Variants in CBLB observed in about 807,000 individuals in gnomAD.
The protein encoded by CBLB is E3 ubiquitin-protein ligase CBL-B.
CBLB carries 31 observed loss-of-function variants against 104.9 expected under a neutral mutation model. That is an observed-to-expected ratio of 0.30 (90% confidence interval 0.22 to 0.40). The LOEUF is 0.40. Among genes scored for constraint, CBLB ranks in the 10% least tolerant of loss-of-function variants. The probability of loss-of-function intolerance (pLI) is 1.00; values close to 1 mark genes in which losing one functional copy is unlikely to be tolerated. For missense variants in CBLB, 1,062 were observed against 1,214.6 expected, an observed-to-expected ratio of 0.87 and a Z score of 1.87; for synonymous variants, 440 against 422.6, an observed-to-expected ratio of 1.04 and a Z score of -0.51.
At chr3:105,824,057 G>T (rs1298488792) in intron 3 of CBLB, 1 of 152,122 alleles carries the variant, frequency 6.6e-6, no homozygotes, top group African/African-American at 2.4e-5. Context: ...AAACTCCTCT[G>T]CTTTCCTAAC....
At chr3:105,844,594 TCAAA>T (rs947017505) in intron 3 of CBLB, among the ~76,000 whole-genome samples, 4 of 152,190 alleles carry the variant, frequency 2.6e-5, no homozygotes, top group Admixed American at 6.5e-5. Flanking sequence ...ACATATATCC[TCAAA>T]CAAAAACTCA....
At chr3:105,803,036 G>A (rs892119655) in intron 3 of CBLB, among the ~76,000 whole-genome samples, 6 of 152,116 alleles carry the variant, frequency 3.9e-5, no homozygotes, top group African/African-American at 1.4e-4. Context: ...AGAGAAATCG[G>A]AGAAGTCTTT....
chr3:105,753,127 C>T (rs72995636), intron 4 of CBLB, among the ~76,000 whole-genome samples: 2,657 of 152,166 alleles, frequency 0.017, 69 homozygotes, highest in African/African-American at 0.06. Flanking sequence ...GAGAAGCAGT[C>T]TGTGGGAAGT....
chr3:105,847,295 G>T (rs1459028867), intron 3 of CBLB, among the ~76,000 whole-genome samples: 1 of 151,726 alleles, frequency 6.6e-6, no homozygotes, highest in African/African-American at 2.4e-5. Context: ...ATTTCTGCCG[G>T]ATGCTCCTGA....
intron 14 of CBLB, among the ~76,000 whole-genome samples, chr3:105,684,403 C>G (rs1175393692): frequency 6.6e-6 from 1 of 152,240 alleles, no homozygotes; most frequent in East Asian, 1.9e-4. Context: ...CATGCCTTTA[C>G]TTAAAGATAA....
At chr3:105,856,941 T>C (rs2091681060) in intron 2 of CBLB, among the ~76,000 whole-genome samples, 1 of 152,210 alleles carries the variant, frequency 6.6e-6, no homozygotes, top group African/African-American at 2.4e-5. Flanking sequence ...TTTTAAATTA[T>C]TTAAACCAAA....
intron 4 of CBLB, among the ~76,000 whole-genome samples, chr3:105,757,269 T>C (rs926432950): frequency 3.9e-5 from 6 of 152,164 alleles, no homozygotes; most frequent in Admixed American, 2.0e-4. Context: ...GGTACAGCTA[T>C]ACAATGAAGG....
intron 6 of CBLB, among the ~76,000 whole-genome samples, chr3:105,744,642 A>AG (rs768875854): frequency 1.4e-4 from 21 of 152,192 alleles, no homozygotes; most frequent in Non-Finnish European, 2.6e-4. Context: ...TAAAAAAAAA[A>AG]CTGTTTTGGC....
At chr3:105,788,577 A>G (rs1401574070) in intron 3 of CBLB, among the ~76,000 whole-genome samples, 1 of 152,236 alleles carries the variant, frequency 6.6e-6, no homozygotes, top group East Asian at 1.9e-4. Context: ...CTTAGTAACT[A>G]GATGACCTCG....
chr3:105,757,597 G>A (rs986031459), intron 4 of CBLB, among the ~76,000 whole-genome samples: 1 of 152,026 alleles, frequency 6.6e-6, no homozygotes, highest in Admixed American at 6.6e-5. Context: ...TATGATTTGT[G>A]TACTTTTCCC....
At chr3:105,838,123 C>T (rs2088874659) in intron 3 of CBLB, among the ~76,000 whole-genome samples, 1 of 148,850 alleles carries the variant, frequency 6.7e-6, no homozygotes, top group Admixed American at 6.7e-5. Context: ...CACTCTGTCA[C>T]CCAGGCTGGA....
intron 16 of CBLB, among the ~76,000 whole-genome samples, chr3:105,678,968 T>C (rs1452650455): frequency 6.6e-6 from 1 of 151,996 alleles, no homozygotes; most frequent in East Asian, 1.9e-4. Flanking sequence ...GCAAAAAGAG[T>C]TCACAGCCTT....
At chr3:105,675,140 T>C (rs1248463785) in intron 17 of CBLB, among the ~76,000 whole-genome samples, 1 of 152,170 alleles carries the variant, frequency 6.6e-6, no homozygotes, top group East Asian at 1.9e-4. Context: ...ACACCTATCA[T>C]TTGTCTTTAA....
intron 2 of CBLB, among the ~76,000 whole-genome samples, chr3:105,864,375 C>G (rs1490205041): frequency 6.6e-6 from 1 of 152,164 alleles, no homozygotes; most frequent in African/African-American, 2.4e-5. Context: ...GTTTAAGAAA[C>G]CTTGTCTCTT....
Position 105,681,481 on chromosome 3 carries a change from A to G in CBLB, c.2426T>C (p.Leu809Ser), listed in dbSNP as rs764482114. ...AAAACTTTTTTAAAGGTTTCAACCT[A>G]ATGGAGGGATGAGAAGATCATAATC... ...PSDYDLLIPPLGEDAFDALPP... is the reference protein window; with the variant it reads ...PSDYDLLIPPSGEDAFDALPP... The change falls in exon 16 of 19, where the codon TTA becomes TCA. Residue 809 changes from leucine to serine, a missense_variant and splice_region_variant. Around this residue, in one of 2 missense-constraint regions of CBLB, gnomAD observed 605 missense variants for 582.6 expected, o/e 1.04. Coordinates refer to ENST00000394030, the MANE Select transcript of CBLB (RefSeq NM_170662.5). 1.2e-6 allele frequency: 2 copies of G among 1,614,060 alleles called. No homozygotes were observed. The highest frequency in any genetic ancestry group is 1.7e-6 in the Non-Finnish European group (2 of 1,179,920).
At chr3:105,824,316 C>CT (rs945023383) in intron 3 of CBLB, 22 of 152,150 alleles carry the variant, frequency 1.4e-4, no homozygotes, top group African/African-American at 5.1e-4. Flanking sequence ...GTAACATGTA[C>CT]TATTGGTGGA....
At chr3:105,687,557 A>G (rs1007307841) in intron 13 of CBLB, among the ~76,000 whole-genome samples, 3 of 152,050 alleles carry the variant, frequency 2.0e-5, no homozygotes, top group African/African-American at 7.2e-5. Flanking sequence ...TTAGAGAATT[A>G]TATCTAGAAG....
chr3:105,828,930 T>C (rs1483617551), intron 3 of CBLB, among the ~76,000 whole-genome samples: 1 of 152,104 alleles, frequency 6.6e-6, no homozygotes, highest in Non-Finnish European at 1.5e-5. Context: ...AGAAAACATT[T>C]TAACCACAGT....
At chr3:105,864,436 G>T (rs575586325) in intron 2 of CBLB, among the ~76,000 whole-genome samples, 3 of 152,268 alleles carry the variant, frequency 2.0e-5, no homozygotes, top group African/African-American at 7.2e-5. Context: ...CTTGAACCTA[G>T]ATATGTATTC....
Sources: allele counts gnomAD v4.1 joint callset (sites outside exome capture counted in the v4.1 genomes callset), GRCh38; gene constraint gnomAD v4.1.1; regional missense constraint gnomAD v4.1.1; transcripts MANE v1.5; gene names NCBI Gene and HGNC (gene_info 2026-07-23, HGNC 2026-07-21).